The following SPHKAP variants were observed in gnomAD, a reference collection of about 807,000 sequenced individuals.
SPHKAP encodes SPHK1 interactor, AKAP domain containing, also known as A-kinase anchor protein SPHKAP.
SPHKAP carries 67 observed loss-of-function variants against 137.5 expected under a neutral mutation model. That is an observed-to-expected ratio of 0.49 (90% CI 0.40 to 0.60). SPHKAP has a LOEUF of 0.60. SPHKAP is among the 20% of genes least tolerant of loss of function. SPHKAP has a pLI of 0.00. For synonymous variants in SPHKAP, 813 were observed against 785.3 expected (o/e 1.04, Z -0.59); for missense variants, 2,097 against 2,069.3 (o/e 1.01, Z -0.26).
intron 2 of SPHKAP, among the ~76,000 whole-genome samples, chr2:228,124,846 G>T (rs376260963): frequency 6.6e-4 from 101 of 152,242 alleles, no homozygotes; most frequent in African/African-American, 2.3e-3. Context: ...TTATCAAAAA[G>T]ATATGAGCTT....
At chr2:228,046,093 CAT>C (rs770292877) in intron 3 of SPHKAP, among the ~76,000 whole-genome samples, 24 of 152,032 alleles carry the variant, frequency 1.6e-4, no homozygotes, top group Non-Finnish European at 2.6e-4. Flanking sequence ...CACACACACA[CAT>C]ACGGTAATTA....
chr2:228,016,930 T>C lies in SPHKAP; in HGVS notation c.3924A>G (p.Glu1308=), dbSNP rs775511434. The C allele has an allele frequency of 4.6e-5, 75 of 1,614,040 alleles. No individual in the cohort carries two copies. The highest frequency in any genetic ancestry group is 1.1e-4 in the African/African-American group (8 of 74,924). Residue 1308 remains glutamate, a synonymous_variant, in exon 7 of 12, where the codon GAA becomes GAG. Transcript: ENST00000392056. ...GAGCCTCAATGGAGCTAGCCCACGT[T>C]TCATGAATTAACATGTTGGTGATGT... ...TDHITNMLIH[E]TWASSIEALM...
chr2:228,084,234 A>G (rs1333138456), intron 3 of SPHKAP, among the ~76,000 whole-genome samples: 3 of 152,208 alleles, frequency 2.0e-5, no homozygotes, highest in Non-Finnish European at 2.9e-5. Flanking sequence ...CATCTTTCAT[A>G]GGCAGTGCAT....
intron 3 of SPHKAP, among the ~76,000 whole-genome samples, chr2:228,093,855 G>A (rs1200123837): frequency 1.3e-4 from 5 of 37,196 alleles, no homozygotes; most frequent in Non-Finnish European, 1.9e-4. Context: ...GCAAGACTCC[G>A]TTTCAAAAAA....
intron 3 of SPHKAP, among the ~76,000 whole-genome samples, chr2:228,078,487 G>A (rs948323354): frequency 6.6e-6 from 1 of 151,644 alleles, no homozygotes; most frequent in Non-Finnish European, 1.5e-5. Flanking sequence ...GGTGGTGTAG[G>A]AGTCGTAGAC....
chr2:228,148,842 ATTAT>A (rs1699852132), intron 1 of SPHKAP, among the ~76,000 whole-genome samples: 1 of 152,228 alleles, frequency 6.6e-6, no homozygotes, highest in Admixed American at 6.5e-5. Flanking sequence ...AAGTTTTAGT[ATTAT>A]TTAAGAGGAA....
chr2:228,014,711 C>T (rs1338128689), intron 7 of SPHKAP, among the ~76,000 whole-genome samples: 1 of 152,142 alleles, frequency 6.6e-6, no homozygotes, highest in African/African-American at 2.4e-5. Context: ...GGATGAATCC[C>T]TTCTCCTTCC....
At chr2:228,021,593 CAAGTA>C in intron 6 of SPHKAP, 113 bp downstream of exon 6, 2 of 1,210,368 alleles carry the variant, frequency 1.7e-6, no homozygotes, top group Non-Finnish European at 2.3e-6. Context: ...TAAAATTCAG[CAAGTA>C]AAGACTGTGA....
Position 228,101,273 on chromosome 2 carries a change from G to A in SPHKAP, c.246+7559C>T, listed in dbSNP as rs1698175129. On this transcript the variant is annotated intron_variant, in intron 3 of 11. Coordinates refer to ENST00000392056, the MANE Select transcript of SPHKAP (RefSeq NM_001142644.2). ...AGGAACTCAAGCCATAATCATTGTA[G>A]TTATTCCTGATTTCTCTCTTTTCTT... Among the ~76,000 whole-genome samples the A allele has an allele frequency of 2.0e-5, 3 of 152,226 alleles. No individual in the cohort carries two copies. The South Asian group carries it at 6.2e-4, about 32-fold the overall frequency.
intron 3 of SPHKAP, among the ~76,000 whole-genome samples, chr2:228,068,520 C>A (rs1403312492): frequency 1.3e-5 from 2 of 152,056 alleles, no homozygotes; most frequent in African/African-American, 2.4e-5. Context: ...ATGATCGTGG[C>A]CTAAAAACAG....
intron 1 of SPHKAP, among the ~76,000 whole-genome samples, chr2:228,162,412 G>T (rs928211705): frequency 1.1e-4 from 16 of 152,262 alleles, no homozygotes; most frequent in African/African-American, 3.9e-4. Context: ...CAAATCAAGT[G>T]GATCCTTCCC....
intron 2 of SPHKAP, among the ~76,000 whole-genome samples, chr2:228,114,834 C>A (rs1409653619): frequency 6.6e-6 from 1 of 152,088 alleles, no homozygotes; most frequent in Non-Finnish European, 1.5e-5. Context: ...GCTCATTGAG[C>A]TTTTTTGATG....
chr2:228,178,876 A>C (rs369921394), intron 1 of SPHKAP, among the ~76,000 whole-genome samples: 1 of 152,074 alleles, frequency 6.6e-6, no homozygotes, highest in East Asian at 1.9e-4. Flanking sequence ...AATGAATTAG[A>C]GTTTTCACAG....
intron 1 of SPHKAP, among the ~76,000 whole-genome samples, chr2:228,137,057 G>A (rs1026713254): frequency 6.6e-6 from 1 of 151,808 alleles, no homozygotes; most frequent in Non-Finnish European, 1.5e-5. Flanking sequence ...ACACACTTAC[G>A]CTCCTGCCTC....
intron 3 of SPHKAP, among the ~76,000 whole-genome samples, chr2:228,083,144 G>A (rs1267816794): frequency 6.6e-5 from 10 of 152,158 alleles, no homozygotes; most frequent in African/African-American, 2.4e-4. Context: ...AAAGCTTACT[G>A]AAAAGCAAAA....
chr2:228,023,738 C>T (rs1694925421), intron 5 of SPHKAP, among the ~76,000 whole-genome samples: 2 of 152,200 alleles, frequency 1.3e-5, no homozygotes, highest in South Asian at 4.1e-4. Context: ...GAAGGGCACA[C>T]TATACTATCA....
intron 7 of SPHKAP, among the ~76,000 whole-genome samples, chr2:228,013,915 T>C (rs1249953732): frequency 6.6e-6 from 1 of 152,238 alleles, no homozygotes; most frequent in Non-Finnish European, 1.5e-5. Flanking sequence ...TCCACATTCT[T>C]TCCTGTTTTA....
intron 7 of SPHKAP, among the ~76,000 whole-genome samples, chr2:228,005,840 T>A (rs1694106159): frequency 6.6e-6 from 1 of 152,228 alleles, no homozygotes; most frequent in African/African-American, 2.4e-5. Context: ...AAATTCTGGG[T>A]TGAAAATTCT....
At chr2:228,030,913 G>A (rs886868795) in intron 3 of SPHKAP, among the ~76,000 whole-genome samples, 14 of 152,118 alleles carry the variant, frequency 9.2e-5, no homozygotes, top group African/African-American at 2.7e-4. Context: ...AGCCAAGATG[G>A]CCGAATAGGA....
Sources: gnomAD v4.1 joint callset for allele counts (sites outside exome capture counted in the v4.1 genomes callset) on GRCh38, gnomAD v4.1.1 for gene constraint, MANE v1.5 for transcripts, NCBI Gene and HGNC (gene_info 2026-07-23, HGNC 2026-07-21) for gene names.